FSTL5: variants seen among roughly 807,000 people sequenced by gnomAD.
The protein encoded by FSTL5 is follistatin-related protein 5.
FSTL5 carries 62 observed loss-of-function variants against 89.1 expected under a neutral mutation model. That is an observed-to-expected ratio of 0.70 (90% CI 0.57 to 0.86). The LOEUF (loss-of-function observed/expected upper bound fraction) is 0.86. FSTL5 is among the 40% of genes least tolerant of loss of function. The pLI is 0.00. For missense variants in FSTL5, 1,057 were observed against 1,001.6 expected (o/e 1.06, Z -0.75); for synonymous variants, 383 against 346.2 (o/e 1.11, Z -1.18).
chr4:161,692,168 A>G (rs1258343744), intron 6 of FSTL5, among the ~76,000 whole-genome samples: 3 of 152,028 alleles, frequency 2.0e-5, no homozygotes, highest in African/African-American at 7.2e-5. Flanking sequence ...ACATTAGGAG[A>G]AAAGCTTTCA....
chr4:161,576,369 T>C (rs113467542), intron 8 of FSTL5, among the ~76,000 whole-genome samples: 3,434 of 152,194 alleles, frequency 0.023, 136 homozygotes, highest in African/African-American at 0.078. Flanking sequence ...CAAGACAATA[T>C]TAAGCAAAAA....
chr4:161,654,043 A>G (rs1366615273), intron 7 of FSTL5, among the ~76,000 whole-genome samples: 1 of 152,096 alleles, frequency 6.6e-6, no homozygotes, highest in Non-Finnish European at 1.5e-5. Flanking sequence ...TTTATCCAAT[A>G]AAGTGTATTT....
chr4:161,626,828 C>T (rs1735332412), intron 7 of FSTL5, among the ~76,000 whole-genome samples: 1 of 152,098 alleles, frequency 6.6e-6, no homozygotes, highest in Admixed American at 6.6e-5. Context: ...GAATCCAATC[C>T]TCATGGATGG....
intron 2 of FSTL5, among the ~76,000 whole-genome samples, chr4:162,039,585 A>AG (rs563911840): frequency 3.8e-4 from 58 of 152,064 alleles, no homozygotes; most frequent in African/African-American, 1.4e-3. Context: ...AAAGTCCAGG[A>AG]GAAAAAAACG....
At chr4:161,916,828 T>C (rs1216482881) in intron 4 of FSTL5, among the ~76,000 whole-genome samples, 1 of 152,114 alleles carries the variant, frequency 6.6e-6, no homozygotes, top group Non-Finnish European at 1.5e-5. Flanking sequence ...AAAGAGGATA[T>C]ACAGATATAG....
intron 4 of FSTL5, among the ~76,000 whole-genome samples, chr4:161,801,488 A>T (rs1031139982): frequency 1.3e-5 from 2 of 151,442 alleles, no homozygotes; most frequent in Admixed American, 6.6e-5. Context: ...TGGCAATTTC[A>T]TGAGAGCCTT....
intron 13 of FSTL5, among the ~76,000 whole-genome samples, chr4:161,462,101 C>G (rs1463571405): frequency 6.6e-6 from 1 of 152,144 alleles, no homozygotes; most frequent in African/African-American, 2.4e-5. Flanking sequence ...TAGAGACATA[C>G]TACAAAGCAT....
rs545828747 is a variant in FSTL5, at chr4:161,606,624, TA to T, written c.895-19050del. On this transcript the variant is annotated intron_variant, in intron 7 of 15. Transcript: ENST00000306100. ...ATTTCTTTCTCAGTTGATCACCTTT[TA>T]AAAGTTAATTTTGTATTAAATTTTG... Among the ~76,000 whole-genome samples, 286 of 152,306 alleles carry T rather than the reference TA, an allele frequency of 1.9e-3. 2 individuals are homozygous for T. Among genetic ancestry groups the T allele is most frequent in the African/African-American group, 6.4e-3 (268 of 41,576 alleles).
At chr4:161,583,195 C>T (rs1026747654) in intron 8 of FSTL5, among the ~76,000 whole-genome samples, 8 of 151,948 alleles carry the variant, frequency 5.3e-5, no homozygotes, top group African/African-American at 9.7e-5. Flanking sequence ...AGAAAGACTC[C>T]GTCTCAAAAT....
chr4:161,599,928 T>C (rs926980958), intron 7 of FSTL5, among the ~76,000 whole-genome samples: 5 of 152,004 alleles, frequency 3.3e-5, no homozygotes, highest in Non-Finnish European at 7.4e-5. Flanking sequence ...AGACGACCCA[T>C]ATAACCTTGA....
intron 8 of FSTL5, among the ~76,000 whole-genome samples, chr4:161,546,268 A>G (rs561760966): frequency 6.8e-6 from 1 of 147,308 alleles, no homozygotes; most frequent in African/African-American, 2.5e-5. Context: ...AGAATACTAT[A>G]AATATGCATA....
rs1252696700 is a variant in FSTL5, at chr4:161,744,355, A to T, written c.727+15056T>A. ...GTGAACTGGTAAAGCCAAAGCTGAG[A>T]TGAGTTGTACCATCCTCACATTGTT... On this transcript the variant is annotated intron_variant, in intron 6 of 15. Coordinates refer to ENST00000306100, the MANE Select transcript of FSTL5 (RefSeq NM_020116.5). 2.0e-5 allele frequency among the ~76,000 whole-genome samples: 3 copies of T among 152,114 alleles called. No homozygotes were observed. The South Asian group carries it at 6.2e-4, about 31-fold the overall frequency.
chr4:161,538,174 C>G lies in FSTL5; in HGVS notation c.1304G>C (p.Arg435Thr). Residue 435 changes from arginine (R) to threonine (T), a missense_variant, in exon 10 of 16, where the codon AGA (arginine) becomes ACA (threonine). By Grantham distance (71) the Arg-to-Thr change is moderately conservative. Around this residue, in one of 3 missense-constraint regions of FSTL5, gnomAD observed 980 missense variants for 903.2 expected, o/e 1.08. Coordinates refer to ENST00000306100, the MANE Select transcript of FSTL5 (RefSeq NM_020116.5). ...GGTGGTTCTATACATACGGGTCTTTCTAGCAGAGTCTTCCACAAAAAGAGA... is the reference window on the plus strand; with the variant it reads ...GGTGGTTCTATACATACGGGTCTTTGTAGCAGAGTCTTCCACAAAAAGAGA... ...ISSLFVEDSA[R>T]KTLANILWRE... 3 of 1,613,916 alleles carry G rather than the reference C, an allele frequency of 1.9e-6. No individual in the cohort carries two copies. In the Middle Eastern group the frequency reaches 4.9e-4, roughly 266 times the overall value.
chr4:161,881,561 G>A (rs1732631025), intron 4 of FSTL5, among the ~76,000 whole-genome samples: 1 of 151,982 alleles, frequency 6.6e-6, no homozygotes, highest in Non-Finnish European at 1.5e-5. Flanking sequence ...TTCAACTCCA[G>A]CGCGTTTTTT....
At chr4:161,696,299 T>G (rs2126725363) in intron 6 of FSTL5, among the ~76,000 whole-genome samples, 1 of 152,332 alleles carries the variant, frequency 6.6e-6, no homozygotes, top group South Asian at 2.1e-4. Context: ...GGGTTCTCTA[T>G]TCTGTTCCAT....
chr4:162,123,765 G>C lies in FSTL5; in HGVS notation c.-16-12353C>G, dbSNP rs1452640484. ...CAGAAATTGAGTTTGTTTTCAGCAAGAGACATATAACTTACATTTTATTTT... is the reference window on the plus strand; with the variant it reads ...CAGAAATTGAGTTTGTTTTCAGCAACAGACATATAACTTACATTTTATTTT... On this transcript the variant is annotated intron_variant, in intron 1 of 15. Coordinates refer to ENST00000306100, the MANE Select transcript of FSTL5 (RefSeq NM_020116.5). Among the ~76,000 whole-genome samples the C allele has an allele frequency of 2.0e-5, 3 of 151,980 alleles. No individual in the cohort carries two copies. In the East Asian group the frequency reaches 5.8e-4, roughly 29 times the overall value.
rs906744714 is a variant in FSTL5 at position 161,668,823 on chromosome 4, A to G, written c.728-12329T>C. Among the ~76,000 whole-genome samples, 6 of 152,214 alleles carry G rather than the reference A, an allele frequency of 3.9e-5. No individual in the cohort carries two copies. In the East Asian group the frequency reaches 1.2e-3, roughly 29 times the overall value. The stretch of plus-strand genomic sequence containing the variant: ...TTGGATGAATTTATTAAAGAAGTAA[A>G]TAAAGAGGCTGGGCGCGGTGGCTCA... On this transcript the variant is annotated intron_variant, in intron 6 of 15. Coordinates refer to ENST00000306100, the MANE Select transcript of FSTL5 (RefSeq NM_020116.5).
intron 10 of FSTL5, among the ~76,000 whole-genome samples, chr4:161,512,149 G>A (rs768197843): frequency 6.6e-6 from 1 of 152,000 alleles, no homozygotes; most frequent in Non-Finnish European, 1.5e-5. Context: ...TTTTTTTGTA[G>A]TTTTAGGAAT....
intron 1 of FSTL5, among the ~76,000 whole-genome samples, chr4:162,134,025 G>C (rs1732422050): frequency 6.6e-6 from 1 of 152,114 alleles, no homozygotes; most frequent in Non-Finnish European, 1.5e-5. Context: ...GCCTCACTGG[G>C]TAAATCACTG....
Sources: allele counts gnomAD v4.1 joint callset (sites outside exome capture counted in the v4.1 genomes callset), GRCh38; gene constraint gnomAD v4.1.1; regional missense constraint gnomAD v4.1.1; transcripts MANE v1.5; gene names NCBI Gene and HGNC (gene_info 2026-07-23, HGNC 2026-07-21).